Variants in C1QTNF6 observed in about 807,000 individuals in gnomAD.
C1QTNF6 encodes C1q and TNF related 6.
Under a neutral mutation model 20.7 loss-of-function variants are expected in C1QTNF6, and 17 were observed. That is an observed-to-expected ratio of 0.82 (90% CI 0.56 to 1.23). The LOEUF (loss-of-function observed/expected upper bound fraction) is 1.23. Among genes scored for constraint, C1QTNF6 ranks in the 50% most tolerant of loss-of-function variants. C1QTNF6 has a pLI of 0.00. For missense variants in C1QTNF6, 329 were observed against 389.7 expected, an observed-to-expected ratio of 0.84 and a Z score of 1.31; for synonymous variants, 130 against 156.3, an observed-to-expected ratio of 0.83 and a Z score of 1.25.
intron 2 of C1QTNF6, among the ~76,000 whole-genome samples, chr22:37,194,509 C>A (rs6000602): frequency 0.21 from 31,439 of 152,076 alleles, 3,356 homozygotes; most frequent in African/African-American, 0.23. Context: ...TTCTGGGTTC[C>A]CTTTCTCTCT....
intron 1 of C1QTNF6, chr22:37,195,964 C>T (rs534026586): frequency 6.6e-6 from 1 of 152,306 alleles, no homozygotes; most frequent in Non-Finnish European, 1.5e-5. Flanking sequence ...TGACCTGTAT[C>T]TTATGATACC....
chr22:37,188,021 T>G, intron 1 of C1QTNF6, 142 bp downstream of exon 1: 1 of 816,874 alleles, frequency 1.2e-6, no homozygotes, highest in Non-Finnish European at 1.9e-6. Context: ...CAGGAGGAAA[T>G]GTGGAGGGGA....
Position 37,182,290 on chromosome 22 carries a change from C to G in C1QTNF6, c.735G>C (p.Trp245Cys). The G allele has an allele frequency of 1.2e-6, 2 of 1,614,218 alleles. No individual in the cohort carries two copies. Among genetic ancestry groups the G allele is most frequent in the Non-Finnish European group, 8.5e-7 (1 of 1,180,036 alleles). The change falls in exon 3 of 3, where the codon TGG (tryptophan) becomes TGC (cysteine). Residue 245 changes from tryptophan (W) to cysteine (C), a missense_variant. Physicochemically the swap from Trp to Cys is radical, Grantham distance 215. Coordinates refer to ENST00000337843, the MANE Select transcript of C1QTNF6 (RefSeq NM_031910.4). Reference protein sequence around the residue: ...MLDLAYGDRVWVRLFKRQREN... With the variant: ...MLDLAYGDRVCVRLFKRQREN... ...CGCGCTGGCGCTTGAAGAGCCGCAC[C>G]CAGACGCGGTCCCCGTAGGCCAGGT...
Position 37,184,763 on chromosome 22 carries a change from G to A in C1QTNF6, c.289+455C>T, listed in dbSNP as rs556600841. On this transcript the variant is annotated intron_variant, in intron 2 of 2. Transcript: ENST00000337843. The surrounding 1 kb of genome is among the most constrained non-coding windows in gnomAD (Gnocchi z 4.0). ...CAGCACCCCATGTGATCTGAGCCTG[G>A]TGCATCTCCCGGCCCTGCCCCAGGG... 1.3e-5 allele frequency among the ~76,000 whole-genome samples: 2 copies of A among 152,220 alleles called. No homozygotes were observed. The highest frequency in any genetic ancestry group is 2.1e-4 in the South Asian group (1 of 4,824).
chr22:37,191,828 A>G (rs2145779126), upstream of C1QTNF6: 1 of 152,304 alleles, frequency 6.6e-6, no homozygotes, highest in Admixed American at 6.5e-5. Flanking sequence ...TTACCTTTGC[A>G]TTTGTGTACT....
chr22:37,194,144 A>G (rs1422792680), intron 2 of C1QTNF6, among the ~76,000 whole-genome samples: 2 of 152,218 alleles, frequency 1.3e-5, no homozygotes, highest in African/African-American at 2.4e-5. Flanking sequence ...CGTAAAAAAA[A>G]AGACAAGACA....
intron 1 of C1QTNF6, chr22:37,185,839 G>A (rs1488660403): frequency 2.0e-6 from 2 of 995,714 alleles, no homozygotes; most frequent in Non-Finnish European, 2.4e-6. Flanking sequence ...TGGCAACCCA[G>A]GAGACCGTCA....
intron 1 of C1QTNF6, 197 bp from the exon 2 acceptor site, chr22:37,185,652 G>T: frequency 7.7e-7 from 1 of 1,290,570 alleles, no homozygotes; most frequent in Non-Finnish European, 9.8e-7. Flanking sequence ...ATCGGGAGGA[G>T]ACTGGCAGGG....
chr22:37,188,123 G>A, intron 1 of C1QTNF6, 40 bp downstream of exon 1: 1 of 1,582,788 alleles, frequency 6.3e-7, no homozygotes, highest in Non-Finnish European at 8.6e-7. Context: ...TCCAGGCTCT[G>A]ACCCCAGCCC....
chr22:37,187,167 C>T (rs539585848), intron 1 of C1QTNF6, among the ~76,000 whole-genome samples: 55 of 152,302 alleles, frequency 3.6e-4, no homozygotes, highest in African/African-American at 1.3e-3. Context: ...CCAGAGCCAC[C>T]TCCCTCTTCC....
chr22:37,186,060 G>A (rs936304345), intron 1 of C1QTNF6: 2 of 985,462 alleles, frequency 2.0e-6, no homozygotes, highest in Admixed American at 1.2e-4. Context: ...AAAAAAAAGA[G>A]ATAAGAGAGT....
chr22:37,183,649 G>A (rs1474915303), intron 2 of C1QTNF6, among the ~76,000 whole-genome samples: 1 of 152,232 alleles, frequency 6.6e-6, no homozygotes, highest in African/African-American at 2.4e-5. Context: ...CACAGGGGGG[G>A]AAGGGGACAG....
chr22:37,195,569 T>G (rs1363235181), intron 1 of C1QTNF6: 1 of 152,096 alleles, frequency 6.6e-6, no homozygotes, highest in Non-Finnish European at 1.5e-5. Context: ...TCAAAGCAAG[T>G]TTACAGAGAA....
intron 1 of C1QTNF6, chr22:37,196,483 T>TA (rs1925141862): frequency 6.6e-6 from 1 of 152,264 alleles, no homozygotes; most frequent in Non-Finnish European, 1.5e-5. Context: ...GTTGAAGACT[T>TA]ACTGCCTGGG....
At chr22:37,191,406 T>C (rs560468455), upstream of C1QTNF6, among the ~76,000 whole-genome samples, 11 of 152,240 alleles carry the variant, frequency 7.2e-5, no homozygotes, top group East Asian at 1.9e-3. Context: ...CCAAACACAA[T>C]TTCATATTTG....
At chr22:37,198,350 G>A (rs1925276594), upstream of C1QTNF6, 1 of 152,194 alleles carries the variant, frequency 6.6e-6, no homozygotes, top group Admixed American at 6.5e-5. Flanking sequence ...AGACGAGATA[G>A]ATGAGGCACA....
chr22:37,192,899 A>C (rs181477096), upstream of C1QTNF6, among the ~76,000 whole-genome samples: 9 of 152,350 alleles, frequency 5.9e-5, no homozygotes, highest in Admixed American at 1.3e-4. Context: ...AGGGCCAGGA[A>C]AGCCTGCAGT....
rs1358277817 is a variant in C1QTNF6 at position 37,182,402 on chromosome 22, T to C, written c.623A>G (p.His208Arg). Reference protein sequence around the residue: ...HSWNYKETYVHIMHNQKEAVI... With the variant: ...HSWNYKETYVRIMHNQKEAVI... Reference sequence around the variant, plus strand: ...AGCCTCTTTCTGGTTATGCATAATGTGCACGTACGTCTCCTTGTAATTCCA... The same window carrying C: ...AGCCTCTTTCTGGTTATGCATAATGCGCACGTACGTCTCCTTGTAATTCCA... The change falls in exon 3 of 3, where the codon CAC becomes CGC. Residue 208 changes from histidine (H) to arginine (R), a missense_variant. His to Arg is a conservative substitution (Grantham distance 29, BLOSUM62 0). Coordinates refer to ENST00000337843, the MANE Select transcript of C1QTNF6 (RefSeq NM_031910.4). 1 of 1,614,274 alleles carries C rather than the reference T, an allele frequency of 6.2e-7. No homozygotes were observed. The highest frequency in any genetic ancestry group is 1.1e-5 in the South Asian group (1 of 91,088).
chr22:37,196,228 T>C (rs1925125493), intron 1 of C1QTNF6: 1 of 152,250 alleles, frequency 6.6e-6, no homozygotes, highest in Non-Finnish European at 1.5e-5. Context: ...TCTAGAACTA[T>C]TCCCTTGTGG....
Sources: gnomAD v4.1 joint callset for allele counts (sites outside exome capture counted in the v4.1 genomes callset) on GRCh38, gnomAD v4.1.1 for gene constraint, Gnocchi (gnomAD v3.1) non-coding constraint, MANE v1.5 for transcripts, NCBI Gene and HGNC (gene_info 2026-07-23, HGNC 2026-07-21) for gene names.